Variants in NRDC observed in about 807,000 individuals in gnomAD.
NRDC encodes the protein nardilysin.
A neutral mutation model predicts 147.1 loss-of-function variants in NRDC; 54 were observed. That is an observed-to-expected ratio of 0.37 (90% CI 0.29 to 0.46). NRDC has a LOEUF of 0.46. Among genes scored for constraint, NRDC ranks in the 20% least tolerant of loss-of-function variants. The pLI is 1.00. For synonymous variants in NRDC, 440 were observed against 482.1 expected, an observed-to-expected ratio of 0.91 and a Z score of 1.14; for missense variants, 1,082 against 1,370.6, an observed-to-expected ratio of 0.79 and a Z score of 3.33.
Position 51,806,856 on chromosome 1 carries a change from A to T in NRDC, c.2048T>A (p.Ile683Asn), listed in dbSNP as rs763990960. 6.2e-7 allele frequency: 1 copy of T among 1,614,118 alleles called. No homozygotes were observed. The highest frequency in any genetic ancestry group is 2.2e-5 in the East Asian group (1 of 44,868). ...DCPETEYPVK[I>N]VNTPQGCLWY... ...CAGGCAACCTTGTGGAGTATTCACA[A>T]TTTTAACTGGGTATTCTGTTTCCGG... The change falls in exon 18 of 31, where the codon ATT (isoleucine) becomes AAT (asparagine). Residue 683 changes from isoleucine (I) to asparagine (N), a missense_variant. By Grantham distance (149) the Ile-to-Asn change is moderately radical. Around this residue, in one of 3 missense-constraint regions of NRDC, gnomAD observed 635 missense variants for 923.8 expected, o/e 0.69. Coordinates refer to ENST00000352171, the MANE Select transcript of NRDC (RefSeq NM_001101662.2).
chr1:51,846,180 C>T (rs1030695736), intron 1 of NRDC, among the ~76,000 whole-genome samples: 4 of 151,978 alleles, frequency 2.6e-5, no homozygotes, highest in Non-Finnish European at 2.9e-5. Context: ...GGTGCCGTCT[C>T]GGCTCACTGC....
chr1:51,811,529 C>A (rs950432094), intron 15 of NRDC, among the ~76,000 whole-genome samples: 1 of 152,170 alleles, frequency 6.6e-6, no homozygotes, highest in Non-Finnish European at 1.5e-5. Flanking sequence ...ATGACCCTGA[C>A]CGACAATGTA....
At chr1:51,861,416 G>A (rs1233340166) in intron 1 of NRDC, among the ~76,000 whole-genome samples, 5 of 147,574 alleles carry the variant, frequency 3.4e-5, no homozygotes, top group African/African-American at 1.2e-4. Flanking sequence ...TGCAACCTCT[G>A]CCTCCCAGGT....
In NRDC at chr1:51,873,690, T is replaced by C. The variant is rs2124144528; in HGVS notation, c.341+4585A>G. Among the ~76,000 whole-genome samples, 2 of 151,592 alleles carry C rather than the reference T, an allele frequency of 1.3e-5. 1 individual carries two copies. The highest frequency in any genetic ancestry group is 4.2e-4 in the South Asian group (2 of 4,780). ...TACAACTGGCTAATTTTTTTATTTT[T>C]AGTAGCGACAGGGTTTCACCATGTT... is the stretch of plus-strand genomic sequence containing the variant. On this transcript the variant is annotated intron_variant, in intron 1 of 30. Transcript: ENST00000352171.
intron 1 of NRDC, among the ~76,000 whole-genome samples, chr1:51,860,951 CTTTT>C (rs528761936): frequency 7.2e-5 from 10 of 139,452 alleles, no homozygotes; most frequent in Admixed American, 1.4e-4. Flanking sequence ...GGTATTACTT[CTTTT>C]TTTTTTTTTT....
chr1:51,791,749 C>T (rs533091393), intron 26 of NRDC, 88 bp from the exon 27 acceptor site: 1 of 1,073,924 alleles, frequency 9.3e-7, no homozygotes, highest in Non-Finnish European at 1.4e-6. Context: ...GGAAAAGTTT[C>T]TGCCCATCCT....
At chr1:51,877,548 A>T (rs1683393420) in intron 1 of NRDC, among the ~76,000 whole-genome samples, 1 of 123,642 alleles carries the variant, frequency 8.1e-6, no homozygotes, top group South Asian at 2.5e-4. Flanking sequence ...TAGTCATGAT[A>T]CTCCATGAAA....
At chr1:51,870,410 T>C (rs1683026745) in intron 1 of NRDC, among the ~76,000 whole-genome samples, 1 of 152,234 alleles carries the variant, frequency 6.6e-6, no homozygotes, top group Admixed American at 6.5e-5. Flanking sequence ...AAAATACTGC[T>C]TTACTTTTAT....
intron 3 of NRDC, among the ~76,000 whole-genome samples, chr1:51,835,747 G>A (rs978910292): frequency 3.9e-5 from 6 of 152,280 alleles, no homozygotes; most frequent in Admixed American, 1.3e-4. Context: ...GATTACAGGC[G>A]TGAGCCACCT....
At position 51,811,648 on chromosome 1, in the gene NRDC, A is replaced by G. The variant is rs572695083; in HGVS notation, c.1779+346T>C. Among the ~76,000 whole-genome samples the G allele has an allele frequency of 3.9e-5, 6 of 152,294 alleles. No individual in the cohort carries two copies. In the South Asian group the frequency reaches 1.2e-3, roughly 32 times the overall value. On this transcript the variant is annotated intron_variant, in intron 15 of 30. Transcript: ENST00000352171. The stretch of plus-strand genomic sequence containing the variant: ...AAAATTTAATTGTCCTGACTCTCCA[A>G]CTGAATTAAAAGGTAAGCTAAACAA...
At position 51,847,070 on chromosome 1, in the gene NRDC, G is replaced by T. The variant is rs1681667906; in HGVS notation, c.342-6556C>A. Among the ~76,000 whole-genome samples, 3 of 150,966 alleles carry T rather than the reference G, an allele frequency of 2.0e-5. No individual in the cohort carries two copies. In the South Asian group the frequency reaches 6.3e-4, roughly 32 times the overall value. On this transcript the variant is annotated intron_variant, in intron 1 of 30. Coordinates refer to ENST00000352171, the MANE Select transcript of NRDC (RefSeq NM_001101662.2). ...TCACAATCCTTTAGCTAGACATAAA[G>T]GTTCTCCAAGTCCCCACCAGATCAG...
At chr1:51,791,536 G>A in intron 27 of NRDC, 42 bp downstream of exon 27, 4 of 1,485,768 alleles carry the variant, frequency 2.7e-6, no homozygotes, top group Non-Finnish European at 3.8e-6. Flanking sequence ...TACTCTCCAT[G>A]TCCATAATAG....
chr1:51,840,216 T>G lies in NRDC; in HGVS notation c.630+10A>C, dbSNP rs1341194557. 5.7e-6 allele frequency: 9 copies of G among 1,576,036 alleles called. No homozygotes were observed. Among genetic ancestry groups the G allele is most frequent in the Non-Finnish European group, 7.7e-6 (9 of 1,164,932 alleles). ...TTCCCAAATTAGAAGAAAACAGACA[T>G]GACTCGCACCTGTTTTTCAGTAGTT... On this transcript the variant is annotated intron_variant, in intron 2 of 30. Coordinates refer to ENST00000352171, the MANE Select transcript of NRDC (RefSeq NM_001101662.2).
intron 20 of NRDC, among the ~76,000 whole-genome samples, chr1:51,802,069 G>T (rs1679235262): frequency 6.6e-6 from 1 of 152,170 alleles, no homozygotes; most frequent in South Asian, 2.1e-4. Flanking sequence ...TTACAGGCGT[G>T]AGCCACCGCG....
At chr1:51,837,391 G>A (rs2149220625) in intron 2 of NRDC, 3 of 1,206,938 alleles carry the variant, frequency 2.5e-6, no homozygotes, top group Non-Finnish European at 2.2e-6. Flanking sequence ...CCATTTTGAA[G>A]ACTTAGGCAC....
At chr1:51,858,873 G>C (rs543138494) in intron 1 of NRDC, among the ~76,000 whole-genome samples, 34 of 152,236 alleles carry the variant, frequency 2.2e-4, no homozygotes, top group African/African-American at 6.7e-4. Context: ...ATTTGTAAGG[G>C]TGTCTGCCTG....
In NRDC at chr1:51,878,578, G is replaced by T. The variant is rs752369881; in HGVS notation, c.38C>A (p.Thr13Asn). The change falls in exon 1 of 31, where the codon ACC becomes AAC. Residue 13 changes from threonine to asparagine, a missense_variant. Around this residue, in one of 3 missense-constraint regions of NRDC, gnomAD observed 260 missense variants for 253.2 expected, o/e 1.03. Coordinates refer to ENST00000352171, the MANE Select transcript of NRDC (RefSeq NM_001101662.2). Reference sequence around the variant, plus strand: ...CCCGGCCTCACACAACTTCCTCCGGGTGGCACAGACTGCAGCAACAGTGAC... The same window carrying T: ...CCCGGCCTCACACAACTTCCTCCGGTTGGCACAGACTGCAGCAACAGTGAC... ...RRVTVAAVCA[T>N]RRKLCEAGRE... is the part of the protein sequence containing the mutation. 6.2e-7 allele frequency: 1 copy of T among 1,613,216 alleles called. No individual in the cohort carries two copies. Among genetic ancestry groups the T allele is most frequent in the Non-Finnish European group, 8.5e-7 (1 of 1,179,730 alleles).
At chr1:51,809,425 A>T in intron 16 of NRDC, 24 bp from the exon 17 acceptor site, 5 of 1,445,322 alleles carry the variant, frequency 3.5e-6, no homozygotes, top group Non-Finnish European at 4.9e-6. Flanking sequence ...AAATAAACTG[A>T]CCCAATAAAC....
intron 1 of NRDC, among the ~76,000 whole-genome samples, chr1:51,874,781 C>T (rs1036531543): frequency 2.0e-5 from 3 of 152,038 alleles, no homozygotes; most frequent in African/African-American, 7.3e-5. Context: ...ATACAGATCC[C>T]TAAAAAAGCA....
Sources: allele counts gnomAD v4.1 joint callset (sites outside exome capture counted in the v4.1 genomes callset), GRCh38; gene constraint gnomAD v4.1.1; regional missense constraint gnomAD v4.1.1; transcripts MANE v1.5; gene names NCBI Gene and HGNC (gene_info 2026-07-23, HGNC 2026-07-21).